Variants in WDFY3 observed in about 807,000 individuals in gnomAD.
WDFY3 encodes WD repeat and FYVE domain containing 3.
Under a neutral mutation model 409.6 loss-of-function variants are expected in WDFY3, and 66 were observed. That is an observed-to-expected ratio of 0.16 (90% CI 0.13 to 0.20). The LOEUF (loss-of-function observed/expected upper bound fraction) is 0.20. WDFY3 is among the 10% of genes least tolerant of loss of function. The pLI, the probability that WDFY3 is intolerant of heterozygous loss-of-function variation, is 1.00. For synonymous variants in WDFY3, 1,521 were observed against 1,537.1 expected (o/e 0.99, Z 0.25); for missense variants, 3,031 against 4,298.1 (o/e 0.71, Z 8.24).
intron 21 of WDFY3, among the ~76,000 whole-genome samples, chr4:84,794,217 C>G (rs568437145): frequency 6.6e-6 from 1 of 152,246 alleles, no homozygotes; most frequent in South Asian, 2.1e-4. Flanking sequence ...AATTCACAGC[C>G]AATGATAATC....
intron 7 of WDFY3, among the ~76,000 whole-genome samples, chr4:84,834,221 A>G (rs1385565338): frequency 1.3e-5 from 2 of 152,248 alleles, no homozygotes; most frequent in African/African-American, 4.8e-5. Context: ...CACTGTTCTC[A>G]AACTGGATGC....
chr4:84,841,544 T>A (rs190705563), intron 5 of WDFY3, among the ~76,000 whole-genome samples: 255 of 152,210 alleles, frequency 1.7e-3, no homozygotes, highest in Middle Eastern at 3.4e-3. Flanking sequence ...TAAAACTACC[T>A]GGAAAACAAG....
chr4:84,752,151 T>TA (rs77809291), intron 35 of WDFY3, among the ~76,000 whole-genome samples: 326 of 148,834 alleles, frequency 2.2e-3, no homozygotes, highest in African/African-American at 6.5e-3. Context: ...CAAATAAATT[T>TA]AAAAAAAAAA....
At chr4:84,869,894 A>T (rs999544382) in intron 3 of WDFY3, among the ~76,000 whole-genome samples, 10 of 152,206 alleles carry the variant, frequency 6.6e-5, no homozygotes, top group Admixed American at 6.5e-4. Flanking sequence ...ATAAAAACAA[A>T]GTACAATTTT....
rs1729305118 is a variant in WDFY3, at chr4:84,691,792, A to G, written c.9050-7T>C. ...CCTACAGGTTCTTTGAGTTCTAGAAAAAAGAAATCATGGTATTAGGACAGG... is the reference window on the plus strand; with the variant it reads ...CCTACAGGTTCTTTGAGTTCTAGAAGAAAGAAATCATGGTATTAGGACAGG... On this transcript the variant is annotated splice_region_variant and splice_polypyrimidine_tract_variant and intron_variant, in intron 59 of 67. Transcript: ENST00000295888. 1 of 1,604,564 alleles carries G rather than the reference A, an allele frequency of 6.2e-7. No homozygotes were observed. Among genetic ancestry groups the G allele is most frequent in the Non-Finnish European group, 8.5e-7 (1 of 1,173,664 alleles).
rs144078031 is a variant in WDFY3, at chr4:84,835,979, A to T, written c.576+950T>A. On this transcript the variant is annotated intron_variant, in intron 7 of 67. Transcript: ENST00000295888. ...TCTGCATCTTAGATGACTTTGCTTT[A>T]GAGAACTAGATCTAAACATGTTGTT... 5.3e-5 allele frequency among the ~76,000 whole-genome samples: 8 copies of T among 152,340 alleles called. No homozygotes were observed. The East Asian group carries it at 1.5e-3, about 29-fold the overall frequency.
intron 1 of WDFY3, among the ~76,000 whole-genome samples, chr4:84,959,267 A>G (rs545507743): frequency 6.6e-6 from 1 of 152,292 alleles, no homozygotes; most frequent in South Asian, 2.1e-4. Context: ...CTCTTTGATA[A>G]TGACTTAAGA....
At chr4:84,835,860 G>A (rs1199846712) in intron 7 of WDFY3, among the ~76,000 whole-genome samples, 2 of 152,150 alleles carry the variant, frequency 1.3e-5, no homozygotes, top group Non-Finnish European at 2.9e-5. Flanking sequence ...TATCTACTAT[G>A]TGCTAAGCTG....
At chr4:84,960,457 A>G (rs1475860883) in intron 1 of WDFY3, among the ~76,000 whole-genome samples, 2 of 152,230 alleles carry the variant, frequency 1.3e-5, no homozygotes, top group Non-Finnish European at 2.9e-5. Context: ...CTTGAATACT[A>G]CATGCACAAG....
chr4:84,845,518 T>C (rs561362725), intron 5 of WDFY3, among the ~76,000 whole-genome samples: 1 of 152,234 alleles, frequency 6.6e-6, no homozygotes, highest in Admixed American at 6.5e-5. Context: ...ATGGTATGTA[T>C]AGTTAACAGT....
At chr4:84,807,549 C>T (rs1751720484) in intron 15 of WDFY3, among the ~76,000 whole-genome samples, 1 of 151,840 alleles carries the variant, frequency 6.6e-6, no homozygotes, top group Non-Finnish European at 1.5e-5. Flanking sequence ...TTTTAAAAGC[C>T]TCAATGAAAG....
intron 18 of WDFY3, 134 bp downstream of exon 18, chr4:84,797,862 C>T (rs894720076): frequency 6.4e-6 from 5 of 779,672 alleles, no homozygotes; most frequent in South Asian, 4.0e-5. Context: ...TGAGCCACCG[C>T]GCCGGGCCTG....
At chr4:84,828,933 T>C (rs1755258820) in intron 9 of WDFY3, 71 bp downstream of exon 9, 20 of 1,430,442 alleles carry the variant, frequency 1.4e-5, no homozygotes, top group Non-Finnish European at 1.9e-5. Context: ...TAACCCCAAA[T>C]CACATTGTTT....
intron 19 of WDFY3, 51 bp from the exon 20 acceptor site, chr4:84,795,030 T>A: frequency 7.5e-7 from 1 of 1,331,462 alleles, no homozygotes; most frequent in South Asian, 1.9e-5. Context: ...CTCCTTCTCT[T>A]AACACTGTGC....
At chr4:84,815,665 T>C (rs571318446) in intron 13 of WDFY3, among the ~76,000 whole-genome samples, 29 of 152,296 alleles carry the variant, frequency 1.9e-4, no homozygotes, top group Admixed American at 1.4e-3. Context: ...ATAATCAGAT[T>C]CATATTATAT....
Position 84,796,688 on chromosome 4 carries a change from G to T in WDFY3, c.3000C>A (p.Asn1000Lys), listed in dbSNP as rs1749506410. The T allele has an allele frequency of 1.2e-6, 2 of 1,613,948 alleles. No homozygotes were observed. The highest frequency in any genetic ancestry group is 3.3e-5 in the Admixed American group (2 of 59,984). Reference protein sequence around the residue: ...TDNVFSLHEDNHYRISKSLVK... With the variant: ...TDNVFSLHEDKHYRISKSLVK... ...CCAGGCTCTTGCTTATCCGGTAATGGTTATCTTCATGTAAGCTAAAAACAT... is the reference window on the plus strand; with the variant it reads ...CCAGGCTCTTGCTTATCCGGTAATGTTTATCTTCATGTAAGCTAAAAACAT... The change falls in exon 19 of 68, where the codon AAC (asparagine) becomes AAA (lysine). Residue 1000 changes from asparagine to lysine, a missense_variant. By Grantham distance (94) the Asn-to-Lys change is moderately conservative. Coordinates refer to ENST00000295888, the MANE Select transcript of WDFY3 (RefSeq NM_014991.6).
intron 5 of WDFY3, among the ~76,000 whole-genome samples, chr4:84,842,758 G>A (rs563232564): frequency 1.5e-3 from 232 of 152,328 alleles, no homozygotes; most frequent in Non-Finnish European, 2.8e-3. Flanking sequence ...TCCAGCCTAG[G>A]CAACAGAGCG....
At chr4:84,858,489 C>T (rs1760079669) in intron 4 of WDFY3, among the ~76,000 whole-genome samples, 1 of 151,754 alleles carries the variant, frequency 6.6e-6, no homozygotes, top group South Asian at 2.1e-4. Flanking sequence ...ATATTAATAG[C>T]ACAACATTAC....
intron 3 of WDFY3, among the ~76,000 whole-genome samples, chr4:84,888,736 A>G (rs955097340): frequency 6.6e-6 from 1 of 152,172 alleles, no homozygotes; most frequent in African/African-American, 2.4e-5. Context: ...ATTTTCAGAA[A>G]TTTTGGACAT....
Sources: gnomAD v4.1 joint callset for allele counts (sites outside exome capture counted in the v4.1 genomes callset) on GRCh38, gnomAD v4.1.1 for gene constraint, MANE v1.5 for transcripts, NCBI Gene and HGNC (gene_info 2026-07-23, HGNC 2026-07-21) for gene names.